Variants in DAB1 observed in about 807,000 individuals in gnomAD.
DAB1 encodes disabled homolog 1.
DAB1 carries 15 observed loss-of-function variants against 64.6 expected under a neutral mutation model. The ratio of observed to expected loss-of-function variants is 0.23; its 90% CI spans 0.16 to 0.36. The LOEUF is 0.36. Ranked by LOEUF, DAB1 falls within the 10% of genes least tolerant of loss-of-function variation. The pLI, the probability that DAB1 is intolerant of heterozygous loss-of-function variation, is 1.00. For missense variants in DAB1, 596 were observed against 706.7 expected (o/e 0.84, Z 1.78); for synonymous variants, 235 against 251.9 (o/e 0.93, Z 0.64).
chr1:57,481,463 G>A (rs1426252252), intron 7 of DAB1, among the ~76,000 whole-genome samples: 2 of 152,174 alleles, frequency 1.3e-5, no homozygotes, highest in Non-Finnish European at 2.9e-5. Flanking sequence ...GTAGCAGAGA[G>A]CCATCCCATG....
At chr1:57,678,123 G>A (rs1216998466) in intron 6 of DAB1, among the ~76,000 whole-genome samples, 1 of 152,134 alleles carries the variant, frequency 6.6e-6, no homozygotes, top group Non-Finnish European at 1.5e-5. Flanking sequence ...AACCTAGAAG[G>A]GGGAGGAGAC....
At chr1:57,904,812 G>A (rs991632149) in intron 5 of DAB1, among the ~76,000 whole-genome samples, 4 of 152,176 alleles carry the variant, frequency 2.6e-5, no homozygotes, top group Non-Finnish European at 5.9e-5. Context: ...GTACGGATGG[G>A]AGGAGTCAAG....
chr1:58,190,281 C>T (rs1657313565), intron 4 of DAB1, among the ~76,000 whole-genome samples: 1 of 152,148 alleles, frequency 6.6e-6, no homozygotes, highest in African/African-American at 2.4e-5. Flanking sequence ...GAGAAAGAAA[C>T]CCCTGACTGA....
chr1:57,105,963 T>C (rs1655100018), intron 4 of DAB1, among the ~76,000 whole-genome samples: 2 of 152,144 alleles, frequency 1.3e-5, no homozygotes, highest in South Asian at 4.1e-4. Flanking sequence ...AATCCAGGCT[T>C]GGATGCTTCC....
At chr1:58,370,277 G>GA (rs919748431) in intron 3 of DAB1, among the ~76,000 whole-genome samples, 1 of 151,576 alleles carries the variant, frequency 6.6e-6, no homozygotes, top group Non-Finnish European at 1.5e-5. Context: ...ATAATGAGTG[G>GA]AAAAAAGAAA....
intron 3 of DAB1, among the ~76,000 whole-genome samples, chr1:58,352,618 T>A (rs1644068918): frequency 6.6e-6 from 1 of 152,102 alleles, no homozygotes; most frequent in East Asian, 1.9e-4. Flanking sequence ...GAAAAGTGGG[T>A]CTAAACACAA....
intron 5 of DAB1, among the ~76,000 whole-genome samples, chr1:58,106,059 GT>G (rs1651614818): frequency 6.6e-6 from 1 of 150,596 alleles, no homozygotes; most frequent in East Asian, 2.0e-4. Flanking sequence ...TAGTGTTGTT[GT>G]TTTGGTTTTT....
At chr1:57,535,659 A>G (rs1481166508) in intron 7 of DAB1, among the ~76,000 whole-genome samples, 3 of 151,844 alleles carry the variant, frequency 2.0e-5, no homozygotes, top group Non-Finnish European at 4.4e-5. Flanking sequence ...ACAGAGTTTC[A>G]CTATGTTGGC....
At chr1:57,677,370 C>T (rs548644542) in intron 6 of DAB1, among the ~76,000 whole-genome samples, 1 of 152,308 alleles carries the variant, frequency 6.6e-6, no homozygotes, top group East Asian at 1.9e-4. Flanking sequence ...GAGTAGTAGG[C>T]ATCATCCCCT....
chr1:57,224,658 C>T lies in DAB1; in HGVS notation c.67+66306G>A, dbSNP rs989629853. The stretch of plus-strand genomic sequence containing the variant: ...AATTATTTCCCTTCATCCTGGTTAA[C>T]GTAATCACTGTGGCATAATTTTAAG... On this transcript the variant is annotated intron_variant, in intron 2 of 14. Coordinates refer to ENST00000371236, the MANE Select transcript of DAB1 (RefSeq NM_001365792.1). Among the ~76,000 whole-genome samples, 6 of 152,318 alleles carry T rather than the reference C, an allele frequency of 3.9e-5. No homozygotes were observed. In the East Asian group the frequency reaches 5.8e-4, roughly 15 times the overall value.
chr1:57,789,262 G>A (rs1362505793), intron 6 of DAB1, among the ~76,000 whole-genome samples: 1 of 152,160 alleles, frequency 6.6e-6, no homozygotes, highest in East Asian at 1.9e-4. Context: ...TATTTATGCA[G>A]CAGACCACTC....
chr1:58,253,471 A>C (rs1660851793), intron 4 of DAB1, among the ~76,000 whole-genome samples: 1 of 152,196 alleles, frequency 6.6e-6, no homozygotes, highest in East Asian at 1.9e-4. Context: ...CTGAATGTGG[A>C]ATTAAGAAGA....
intron 5 of DAB1, among the ~76,000 whole-genome samples, chr1:57,946,772 T>G (rs1293820534): frequency 6.6e-6 from 1 of 152,218 alleles, no homozygotes; most frequent in Non-Finnish European, 1.5e-5. Context: ...TATCTCTTTT[T>G]GGTTATTCTA....
intron 9 of DAB1, among the ~76,000 whole-genome samples, chr1:57,048,203 G>A (rs1235466461): frequency 6.6e-6 from 1 of 152,126 alleles, no homozygotes; most frequent in Non-Finnish European, 1.5e-5. Flanking sequence ...CAAATAGTCA[G>A]GCTGCAAAGC....
chr1:57,292,995 G>A (rs1672902222), intron 1 of DAB1, among the ~76,000 whole-genome samples: 1 of 152,116 alleles, frequency 6.6e-6, no homozygotes, highest in South Asian at 2.1e-4. Flanking sequence ...GACGATAAGG[G>A]AAAGGACCAC....
intron 1 of DAB1, among the ~76,000 whole-genome samples, chr1:57,833,924 T>C (rs1170720966): frequency 1.3e-5 from 2 of 152,230 alleles, no homozygotes; most frequent in Non-Finnish European, 2.9e-5. Context: ...GAAAGTATCA[T>C]ATTAAATTAC....
At chr1:57,981,878 C>T (rs1646074880) in intron 5 of DAB1, among the ~76,000 whole-genome samples, 1 of 152,194 alleles carries the variant, frequency 6.6e-6, no homozygotes, top group Non-Finnish European at 1.5e-5. Context: ...AGTTTCCTTT[C>T]TCTTAACCCA....
chr1:57,968,868 C>T (rs943894505), intron 5 of DAB1, among the ~76,000 whole-genome samples: 1 of 152,116 alleles, frequency 6.6e-6, no homozygotes, highest in Non-Finnish European at 1.5e-5. Flanking sequence ...CCAGCTATAA[C>T]TCTAGTTCTT....
chr1:57,504,833 A>G (rs1644326369), intron 7 of DAB1, among the ~76,000 whole-genome samples: 2 of 152,220 alleles, frequency 1.3e-5, no homozygotes, highest in African/African-American at 4.8e-5. Flanking sequence ...TTATTTCCAA[A>G]AATCTATAAC....
Sources: gnomAD v4.1 joint callset for allele counts (sites outside exome capture counted in the v4.1 genomes callset) on GRCh38, gnomAD v4.1.1 for gene constraint, MANE v1.5 for transcripts, NCBI Gene and HGNC (gene_info 2026-07-23, HGNC 2026-07-21) for gene names.